The following TMEM248 variants were observed in gnomAD, a reference collection of about 807,000 sequenced individuals.
TMEM248 encodes transmembrane protein 248, also known as UPF0458 protein C7orf42.
A neutral mutation model predicts 30.3 loss-of-function variants in TMEM248; 9 were observed. The observed-to-expected ratio is 0.30, with a 90% confidence interval of 0.18 to 0.52. TMEM248 has a LOEUF of 0.52. TMEM248 is among the 20% of genes least tolerant of loss of function. The pLI is 0.97. For missense variants in TMEM248, 338 were observed against 403.3 expected (o/e 0.84, Z 1.39); for synonymous variants, 184 against 154.4 (o/e 1.19, Z -1.42).
rs369682030 is a variant in TMEM248 at position 66,955,531 on chromosome 7, C to A, written c.*9C>A. 9.3e-6 allele frequency: 15 copies of A among 1,613,942 alleles called. No individual in the cohort carries two copies. The highest frequency in any genetic ancestry group is 1.3e-5 in the Non-Finnish European group (15 of 1,180,004). ...CTTTGGCTGAAGCCTAATTCCACAG[C>A]TCCTTGTTTTTTGAGAGAGACTGAG... is the stretch of plus-strand genomic sequence containing the variant. On this transcript the variant is annotated 3_prime_UTR_variant, in exon 7 of 7. Transcript: ENST00000341567.
rs940408605 is a variant in TMEM248 at position 66,950,481 on chromosome 7, C to T, written c.597-471C>T. ...AAGGATGTGTTTGCTTCCACTTCCG[C>T]CATGCTTGTAAGTTTCCTGAGGCTT... On this transcript the variant is annotated intron_variant, in intron 4 of 6. Transcript: ENST00000341567. Among the ~76,000 whole-genome samples the T allele has an allele frequency of 3.0e-4, 45 of 152,190 alleles. 1 individual carries two copies. The highest frequency in any genetic ancestry group is 1.0e-3 in the African/African-American group (43 of 41,438).
rs1427655469 is a variant in TMEM248, at chr7:66,924,561, T to C, written c.-19+3100T>C. ...CTGGGATTACAGATGCCCGCCACCATGCCTGGCTAATTTTTCTATTTTTAG... is the reference window on the plus strand; with the variant it reads ...CTGGGATTACAGATGCCCGCCACCACGCCTGGCTAATTTTTCTATTTTTAG... On this transcript the variant is annotated intron_variant, in intron 1 of 6. Transcript: ENST00000341567. Among the ~76,000 whole-genome samples, 4 of 151,912 alleles carry C rather than the reference T, an allele frequency of 2.6e-5. No homozygotes were observed. The East Asian group carries it at 5.8e-4, about 22-fold the overall frequency.
At chr7:66,923,818 G>T (rs923091368) in intron 1 of TMEM248, among the ~76,000 whole-genome samples, 11 of 151,916 alleles carry the variant, frequency 7.2e-5, no homozygotes, top group Admixed American at 7.2e-4. Flanking sequence ...GGTGCATGCC[G>T]CCACACCCAG....
intron 6 of TMEM248, 76 bp downstream of exon 6, chr7:66,953,445 C>G (rs1792320445): frequency 6.5e-7 from 1 of 1,546,306 alleles, no homozygotes; most frequent in South Asian, 1.2e-5. Context: ...TATCCTTATT[C>G]TATTTATTGT....
At chr7:66,935,026 A>T (rs1019170484) in intron 1 of TMEM248, among the ~76,000 whole-genome samples, 1 of 151,874 alleles carries the variant, frequency 6.6e-6, no homozygotes, top group Non-Finnish European at 1.5e-5. Context: ...CTGCACTCCA[A>T]CCTGGGCGAC....
At chr7:66,928,035 T>G (rs1791569297) in intron 1 of TMEM248, among the ~76,000 whole-genome samples, 1 of 152,080 alleles carries the variant, frequency 6.6e-6, no homozygotes, top group African/African-American at 2.4e-5. Flanking sequence ...ACCAGCTTGG[T>G]GAAACCCTGT....
At chr7:66,954,643 C>T (rs1466039697) in intron 6 of TMEM248, among the ~76,000 whole-genome samples, 2 of 152,040 alleles carry the variant, frequency 1.3e-5, no homozygotes, top group African/African-American at 4.8e-5. Flanking sequence ...GCAATCCACC[C>T]ACATTGGCCT....
intron 3 of TMEM248, among the ~76,000 whole-genome samples, chr7:66,947,318 A>G (rs559853223): frequency 1.3e-5 from 2 of 152,212 alleles, no homozygotes; most frequent in Admixed American, 1.3e-4. Flanking sequence ...ATATTCCCAT[A>G]ATAATCAAGG....
At chr7:66,940,120 A>AT (rs1190008467) in intron 1 of TMEM248, among the ~76,000 whole-genome samples, 3 of 152,034 alleles carry the variant, frequency 2.0e-5, no homozygotes, top group African/African-American at 7.2e-5. Context: ...TACCTGGCTA[A>AT]TTTTTGTATT....
chr7:66,951,063 C>T lies in TMEM248; in HGVS notation c.708C>T (p.Phe236=), dbSNP rs1792254179. 6.2e-7 allele frequency: 1 copy of T among 1,612,476 alleles called. No homozygotes were observed. The highest frequency in any genetic ancestry group is 1.3e-5 in the African/African-American group (1 of 74,864). The change falls in exon 5 of 7, where the codon TTC becomes TTT. Residue 236 remains phenylalanine (F), a synonymous_variant. Coordinates refer to ENST00000341567, the MANE Select transcript of TMEM248 (RefSeq NM_017994.5). ...AATACGCCCAAGATTACAATCCTTT[C>T]TGGTGTTATAAGGGGGCCATTGGAA... ...NTKYAQDYNP[F]WCYKGAIGKV... is the part of the protein sequence containing the mutation.
At position 66,936,267 on chromosome 7, in the gene TMEM248, G is replaced by A. The variant is rs141101778; in HGVS notation, c.-18-5581G>A. ...TTTTTTTGAGGGTTTGTATCATGAA[G>A]AGATATTTAATTTTATCAAATGCTT... On this transcript the variant is annotated intron_variant, in intron 1 of 6. Coordinates refer to ENST00000341567, the MANE Select transcript of TMEM248 (RefSeq NM_017994.5). Among the ~76,000 whole-genome samples, 60 of 152,286 alleles carry A rather than the reference G, an allele frequency of 3.9e-4. No individual in the cohort carries two copies. In the East Asian group the frequency reaches 9.0e-3, roughly 23 times the overall value.
chr7:66,934,093 T>A (rs1791739605), intron 1 of TMEM248, among the ~76,000 whole-genome samples: 1 of 151,896 alleles, frequency 6.6e-6, no homozygotes, highest in African/African-American at 2.4e-5. Context: ...CTTCATTAAT[T>A]TCCTATTTGA....
intron 1 of TMEM248, among the ~76,000 whole-genome samples, chr7:66,931,365 A>G (rs1791661462): frequency 6.6e-6 from 1 of 152,026 alleles, no homozygotes; most frequent in South Asian, 2.1e-4. Context: ...AACTTGGACA[A>G]GTAGCCATGT....
chr7:66,926,145 AACT>A (rs1791519560), intron 1 of TMEM248, among the ~76,000 whole-genome samples: 1 of 152,166 alleles, frequency 6.6e-6, no homozygotes, highest in Non-Finnish European at 1.5e-5. Context: ...TATGTTGGCC[AACT>A]ATATCTGTTG....
At chr7:66,934,198 TTTA>T (rs905001671) in intron 1 of TMEM248, among the ~76,000 whole-genome samples, 2 of 150,928 alleles carry the variant, frequency 1.3e-5, no homozygotes, top group Non-Finnish European at 3.0e-5. Flanking sequence ...TTATTATTAT[TTTA>T]TTATTATTAT....
intron 2 of TMEM248, among the ~76,000 whole-genome samples, chr7:66,943,157 C>G (rs1792008197): frequency 4.6e-5 from 7 of 151,910 alleles, no homozygotes; most frequent in Admixed American, 4.6e-4. Flanking sequence ...CTTTTCTGAC[C>G]CTGCCTCAAT....
intron 3 of TMEM248, among the ~76,000 whole-genome samples, chr7:66,946,240 C>T (rs1396502346): frequency 5.3e-5 from 8 of 151,882 alleles, no homozygotes; most frequent in East Asian, 1.9e-4. Context: ...CCAGCCTGGG[C>T]GACAGAGCGA....
chr7:66,941,142 G>C (rs1288450674), intron 1 of TMEM248, among the ~76,000 whole-genome samples: 1 of 152,054 alleles, frequency 6.6e-6, no homozygotes, highest in Non-Finnish European at 1.5e-5. Flanking sequence ...CAGCACTTTG[G>C]GGGGCCAAGG....
At chr7:66,950,924 T>G in intron 4 of TMEM248, 28 bp from the exon 5 acceptor site, 1 of 1,528,942 alleles carries the variant, frequency 6.5e-7, no homozygotes, top group Non-Finnish European at 8.8e-7. Flanking sequence ...ACTGAGCACG[T>G]GTCTTTCCTC....
Sources: gnomAD v4.1 joint callset for allele counts (sites outside exome capture counted in the v4.1 genomes callset) on GRCh38, gnomAD v4.1.1 for gene constraint, MANE v1.5 for transcripts, NCBI Gene and HGNC (gene_info 2026-07-23, HGNC 2026-07-21) for gene names.